ADGRL2: variants seen among roughly 807,000 people sequenced by gnomAD.
ADGRL2 encodes calcium-independent alpha-latrotoxin receptor 2.
In ADGRL2, 44 loss-of-function variants were observed where a neutral mutation model predicts 157.4. The ratio of observed to expected loss-of-function variants is 0.28; its 90% CI spans 0.22 to 0.36. The LOEUF (loss-of-function observed/expected upper bound fraction) is 0.36, where lower values mean the gene tolerates loss of function less well. Ranked by LOEUF, ADGRL2 falls within the 10% of genes least tolerant of loss-of-function variation. The pLI is 1.00. For missense variants in ADGRL2, 1,510 were observed against 1,768.9 expected (o/e 0.85, Z 2.63); for synonymous variants, 585 against 624.7 (o/e 0.94, Z 0.95).
chr1:81,584,840 T>C (rs1385768874), intron 3 of ADGRL2, among the ~76,000 whole-genome samples: 1 of 152,154 alleles, frequency 6.6e-6, no homozygotes, highest in Non-Finnish European at 1.5e-5. Context: ...CATTCATTGC[T>C]GCTTATAAAC....
chr1:81,785,691 G>C (rs987083694), intron 2 of ADGRL2, among the ~76,000 whole-genome samples: 3 of 151,892 alleles, frequency 2.0e-5, no homozygotes, highest in African/African-American at 7.3e-5. Context: ...TCATGCTACT[G>C]TATTCTAGCC....
At chr1:81,619,106 T>C (rs1193752398) in intron 3 of ADGRL2, among the ~76,000 whole-genome samples, 2 of 152,226 alleles carry the variant, frequency 1.3e-5, no homozygotes, top group East Asian at 3.8e-4. Context: ...CTAATCTCAA[T>C]TGCTGTACCA....
At chr1:81,845,238 A>G (rs1178112135) in intron 2 of ADGRL2, among the ~76,000 whole-genome samples, 6 of 152,114 alleles carry the variant, frequency 3.9e-5, no homozygotes, top group Non-Finnish European at 7.4e-5. Flanking sequence ...TTTAATACAA[A>G]TTATTTAATC....
chr1:81,421,174 C>T (rs146490161), intron 1 of ADGRL2, among the ~76,000 whole-genome samples: 9 of 152,240 alleles, frequency 5.9e-5, no homozygotes, highest in East Asian at 1.9e-4. Context: ...TCTCCTATTA[C>T]GTGTTTATTT....
At chr1:81,568,015 T>G (rs570646778) in intron 2 of ADGRL2, among the ~76,000 whole-genome samples, 2 of 152,140 alleles carry the variant, frequency 1.3e-5, no homozygotes, top group South Asian at 4.2e-4. Context: ...TGCCCAGTTT[T>G]TTCTAATTTT....
At chr1:81,958,180 C>T (rs767904668) in intron 11 of ADGRL2, among the ~76,000 whole-genome samples, 10 of 151,972 alleles carry the variant, frequency 6.6e-5, no homozygotes, top group Non-Finnish European at 1.0e-4. Flanking sequence ...TCCCTCGAAC[C>T]TGGGAGGCAG....
At chr1:81,604,169 T>C (rs2081387411) in intron 3 of ADGRL2, among the ~76,000 whole-genome samples, 1 of 152,156 alleles carries the variant, frequency 6.6e-6, no homozygotes, top group African/African-American at 2.4e-5. Context: ...TTCACCATGT[T>C]GGCCAGGCTG....
chr1:81,496,503 C>G (rs2078733612), intron 2 of ADGRL2, among the ~76,000 whole-genome samples: 1 of 152,172 alleles, frequency 6.6e-6, no homozygotes, highest in Non-Finnish European at 1.5e-5. Context: ...GATGGGTCGT[C>G]ATCCATCTAA....
intron 11 of ADGRL2, among the ~76,000 whole-genome samples, chr1:81,956,776 C>T (rs1653634332): frequency 6.6e-6 from 1 of 152,128 alleles, no homozygotes. Flanking sequence ...AAGTAAAAAG[C>T]TTCCCAAGCA....
At chr1:81,430,124 C>G (rs1220221872) in intron 1 of ADGRL2, among the ~76,000 whole-genome samples, 2 of 152,160 alleles carry the variant, frequency 1.3e-5, no homozygotes, top group Non-Finnish European at 2.9e-5. Context: ...AACTCCCGAC[C>G]TCAGGTGATC....
chr1:81,435,542 A>C (rs2077393804), intron 1 of ADGRL2, among the ~76,000 whole-genome samples: 1 of 152,242 alleles, frequency 6.6e-6, no homozygotes, highest in South Asian at 2.1e-4. Flanking sequence ...AGTATTTTTA[A>C]ATAAACTTAT....
chr1:81,866,991 G>A (rs1017031699), intron 2 of ADGRL2, among the ~76,000 whole-genome samples: 1 of 152,108 alleles, frequency 6.6e-6, no homozygotes, highest in Non-Finnish European at 1.5e-5. Context: ...AAAGTGGCAA[G>A]TAAGTGCTTC....
chr1:81,477,198 A>G (rs2078290293), intron 2 of ADGRL2, among the ~76,000 whole-genome samples: 1 of 152,236 alleles, frequency 6.6e-6, no homozygotes, highest in African/African-American at 2.4e-5. Context: ...TCCAAGATGG[A>G]TTATTATACC....
chr1:81,362,004 G>C lies in ADGRL2; in HGVS notation c.-302+55495G>C, dbSNP rs185060108. ...TCCCGGAAAGCCCTTGGTCCTCTTG[G>C]TTTGTGTTTTCTTAAGTATTTAGAG... On this transcript the variant is annotated intron_variant, in intron 1 of 24. Transcript: ENST00000370721. 2.2e-3 allele frequency among the ~76,000 whole-genome samples: 330 copies of C among 151,860 alleles called. 1 individual carries two copies. The highest frequency in any genetic ancestry group is 4.1e-3 in the Non-Finnish European group (279 of 67,794).
Position 81,653,840 on chromosome 1 carries a change from A to T in ADGRL2, c.-143+72860A>T, listed in dbSNP as rs534028457. On this transcript the variant is annotated intron_variant, in intron 3 of 24. Coordinates refer to the ADGRL2 transcript ENST00000370721. ...CTGAAAAGATGATTGCCTACTGAAT[A>T]TCTCCACCTAAATGACTCGTCATCA... Among the ~76,000 whole-genome samples, 20 of 152,292 alleles carry T rather than the reference A, an allele frequency of 1.3e-4. 1 individual carries two copies. In the East Asian group the frequency reaches 2.5e-3, roughly 19 times the overall value.
At chr1:81,360,329 A>G (rs2100906018) in intron 1 of ADGRL2, among the ~76,000 whole-genome samples, 1 of 152,034 alleles carries the variant, frequency 6.6e-6, no homozygotes, top group East Asian at 1.9e-4. Flanking sequence ...ATTTCATCAA[A>G]GAGACTTTTC....
intron 3 of ADGRL2, among the ~76,000 whole-genome samples, chr1:81,694,127 T>G (rs994225537): frequency 6.6e-6 from 1 of 152,186 alleles, no homozygotes; most frequent in African/African-American, 2.4e-5. Flanking sequence ...CACTTTAGCA[T>G]TAAAAATAAA....
chr1:81,777,490 G>A (rs1016482197), intron 2 of ADGRL2, among the ~76,000 whole-genome samples: 3 of 152,176 alleles, frequency 2.0e-5, no homozygotes, highest in African/African-American at 7.2e-5. Flanking sequence ...AAAACATTTG[G>A]CTGGGCATGG....
At chr1:81,332,186 C>T (rs914655027) in intron 1 of ADGRL2, among the ~76,000 whole-genome samples, 1 of 152,130 alleles carries the variant, frequency 6.6e-6, no homozygotes, top group South Asian at 2.1e-4. Flanking sequence ...TTCACTGAAG[C>T]GTAAATCACA....
Sources: allele counts gnomAD v4.1 joint callset (sites outside exome capture counted in the v4.1 genomes callset), GRCh38; gene constraint gnomAD v4.1.1; transcripts MANE v1.5; gene names NCBI Gene and HGNC (gene_info 2026-07-23, HGNC 2026-07-21).